Variants in LDAH observed in about 807,000 individuals in gnomAD.
LDAH encodes the protein lipid droplet-associated hydrolase.
LDAH carries 26 observed loss-of-function variants against 29.6 expected under a neutral mutation model. The ratio of observed to expected loss-of-function variants is 0.88; its 90% CI spans 0.64 to 1.22. The LOEUF (loss-of-function observed/expected upper bound fraction) is 1.22. Among genes scored for constraint, LDAH ranks in the 50% most tolerant of loss-of-function variants. The probability of loss-of-function intolerance (pLI) is 0.00; values close to 1 mark genes in which losing one functional copy is unlikely to be tolerated. For synonymous variants in LDAH, 117 were observed against 133.0 expected, an observed-to-expected ratio of 0.88 and a Z score of 0.83; for missense variants, 344 against 387.3, an observed-to-expected ratio of 0.89 and a Z score of 0.94.
intron 6 of LDAH, among the ~76,000 whole-genome samples, chr2:20,688,563 A>C (rs1230777493): frequency 6.6e-6 from 1 of 152,194 alleles, no homozygotes; most frequent in African/African-American, 2.4e-5. Context: ...GGGGGAGGAG[A>C]GTGCAGGGAA....
chr2:20,713,795 T>C (rs1454161352), intron 5 of LDAH, among the ~76,000 whole-genome samples: 1 of 152,048 alleles, frequency 6.6e-6, no homozygotes, highest in Non-Finnish European at 1.5e-5. Context: ...GGCCATTACG[T>C]AACGGTAAAT....
chr2:20,772,349 C>T (rs2125008331), intron 4 of LDAH, among the ~76,000 whole-genome samples: 1 of 152,302 alleles, frequency 6.6e-6, no homozygotes, highest in Admixed American at 6.5e-5. Flanking sequence ...GTGTTTAAGA[C>T]ACCTGGAACA....
intron 5 of LDAH, among the ~76,000 whole-genome samples, chr2:20,724,816 G>A (rs1219402272): frequency 6.6e-6 from 1 of 152,248 alleles, no homozygotes; most frequent in Non-Finnish European, 1.5e-5. Context: ...GGCAAGCCAA[G>A]TTGTGCTGCT....
At chr2:20,785,610 T>C (rs749280775) in intron 3 of LDAH, among the ~76,000 whole-genome samples, 1 of 152,210 alleles carries the variant, frequency 6.6e-6, no homozygotes, top group Admixed American at 6.5e-5. Flanking sequence ...TCTTATCTTC[T>C]CCATTTTCTC....
At chr2:20,705,799 A>C (rs1664261500) in intron 5 of LDAH, among the ~76,000 whole-genome samples, 1 of 152,218 alleles carries the variant, frequency 6.6e-6, no homozygotes, top group Admixed American at 6.5e-5. Context: ...AATCAATATT[A>C]CTATTTTGAT....
intron 4 of LDAH, among the ~76,000 whole-genome samples, chr2:20,771,965 A>G (rs970376933): frequency 2.0e-5 from 3 of 152,184 alleles, no homozygotes; most frequent in Non-Finnish European, 1.5e-5. Context: ...CCTTTTCACC[A>G]CTATTCCTGC....
intron 5 of LDAH, among the ~76,000 whole-genome samples, chr2:20,738,392 G>A (rs1430162439): frequency 1.4e-5 from 2 of 148,122 alleles, no homozygotes; most frequent in African/African-American, 5.3e-5. Context: ...TGTACCTAGG[G>A]TGGGTGCATC....
chr2:20,701,937 G>A (rs1663972929), intron 5 of LDAH, among the ~76,000 whole-genome samples: 2 of 152,126 alleles, frequency 1.3e-5, no homozygotes, highest in Non-Finnish European at 2.9e-5. Flanking sequence ...CAGATGATGT[G>A]TGCAATTTTA....
intron 4 of LDAH, among the ~76,000 whole-genome samples, chr2:20,768,137 T>C (rs549178274): frequency 1.3e-5 from 2 of 152,290 alleles, no homozygotes; most frequent in Admixed American, 1.3e-4. Context: ...TTCTTCCTGG[T>C]CGCAGAACAA....
downstream of LDAH, among the ~76,000 whole-genome samples, chr2:20,683,297 G>A (rs1445629091): frequency 6.6e-6 from 1 of 152,184 alleles, no homozygotes; most frequent in Admixed American, 6.5e-5. Flanking sequence ...AAAGTGATTA[G>A]AAGAACACTC....
intron 5 of LDAH, among the ~76,000 whole-genome samples, chr2:20,705,687 G>C (rs1196503086): frequency 6.6e-6 from 1 of 152,114 alleles, no homozygotes; most frequent in African/African-American, 2.4e-5. Context: ...AAGAATAAAT[G>C]ATCAAAGACA....
At chr2:20,756,066 C>G (rs2124928941) in intron 4 of LDAH, among the ~76,000 whole-genome samples, 1 of 151,960 alleles carries the variant, frequency 6.6e-6, no homozygotes, top group Admixed American at 6.6e-5. Flanking sequence ...GAGTCTCACT[C>G]TGTCACCCAG....
chr2:20,796,411 T>C (rs1671311045), intron 2 of LDAH, among the ~76,000 whole-genome samples: 1 of 152,156 alleles, frequency 6.6e-6, no homozygotes, highest in Non-Finnish European at 1.5e-5. Context: ...CTCTTCTTCT[T>C]TAAGACTCAA....
intron 1 of LDAH, among the ~76,000 whole-genome samples, chr2:20,810,534 G>A (rs768781677): frequency 3.9e-5 from 6 of 152,184 alleles, no homozygotes; most frequent in Admixed American, 6.5e-5. Flanking sequence ...ATTGTAAAAA[G>A]AACATGTGGT....
chr2:20,719,744 T>C (rs1398087016), intron 5 of LDAH, among the ~76,000 whole-genome samples: 1 of 151,996 alleles, frequency 6.6e-6, no homozygotes, highest in Admixed American at 6.6e-5. Flanking sequence ...GCAAACTGAA[T>C]TCAGTAACAC....
At chr2:20,732,296 T>C (rs114278722) in intron 5 of LDAH, among the ~76,000 whole-genome samples, 2,000 of 152,272 alleles carry the variant, frequency 0.013, 47 homozygotes, top group African/African-American at 0.046. Context: ...GCTAATATTT[T>C]ATTAGAGATG....
intron 5 of LDAH, among the ~76,000 whole-genome samples, chr2:20,703,851 A>G (rs1664131169): frequency 6.6e-6 from 1 of 152,178 alleles, no homozygotes; most frequent in South Asian, 2.1e-4. Flanking sequence ...CTGAGCACCT[A>G]CTTACTTTAT....
At chr2:20,745,161 G>GT (rs1453817588) in intron 4 of LDAH, among the ~76,000 whole-genome samples, 1 of 152,112 alleles carries the variant, frequency 6.6e-6, no homozygotes, top group Non-Finnish European at 1.5e-5. Flanking sequence ...TCTGTTGGCT[G>GT]TATCACTTCA....
intron 4 of LDAH, among the ~76,000 whole-genome samples, chr2:20,750,007 C>T (rs993404046): frequency 5.3e-5 from 8 of 150,036 alleles, no homozygotes; most frequent in African/African-American, 1.7e-4. Context: ...CTGATTTTTA[C>T]GTCTGCCTTA....
Sources: allele counts gnomAD v4.1 joint callset (sites outside exome capture counted in the v4.1 genomes callset), GRCh38; gene constraint gnomAD v4.1.1; transcripts MANE v1.5; gene names NCBI Gene and HGNC (gene_info 2026-07-23, HGNC 2026-07-21).